Variants in LRRC4C observed in about 807,000 individuals in gnomAD.
LRRC4C encodes the protein leucine rich repeat containing 4C, also known as leucine-rich repeat-containing protein 4C.
In LRRC4C, 5 loss-of-function variants were observed where a neutral mutation model predicts 33.6. The observed-to-expected ratio is 0.15, with a 90% CI of 0.08 to 0.31. LRRC4C has a LOEUF of 0.31. Among genes scored for constraint, LRRC4C ranks in the 10% least tolerant of loss-of-function variants. The probability of loss-of-function intolerance (pLI) is 1.00; values close to 1 mark genes in which losing one functional copy is unlikely to be tolerated. For synonymous variants in LRRC4C, 329 were observed against 302.0 expected (o/e 1.09, Z -0.93); for missense variants, 560 against 796.7 (o/e 0.70, Z 3.58).
At chr11:41,318,127 T>A (rs182381652) in intron 1 of LRRC4C, among the ~76,000 whole-genome samples, 1 of 152,220 alleles carries the variant, frequency 6.6e-6, no homozygotes, top group African/African-American at 2.4e-5. Context: ...TATGAAACAA[T>A]ATATACAGCA....
At chr11:40,636,234 T>G (rs910411568) in intron 3 of LRRC4C, among the ~76,000 whole-genome samples, 3 of 152,138 alleles carry the variant, frequency 2.0e-5, no homozygotes, top group African/African-American at 7.2e-5. Flanking sequence ...GCGGCCAGTT[T>G]CCAACACATC....
chr11:40,260,299 C>T (rs1238317926), intron 4 of LRRC4C, among the ~76,000 whole-genome samples: 1 of 142,400 alleles, frequency 7.0e-6, no homozygotes. Flanking sequence ...TAAATTATCA[C>T]AAGAACAAAA....
At chr11:40,329,500 T>C (rs1231113168) in intron 3 of LRRC4C, among the ~76,000 whole-genome samples, 2 of 152,094 alleles carry the variant, frequency 1.3e-5, no homozygotes, top group East Asian at 3.9e-4. Flanking sequence ...TTCTGGGTTA[T>C]TCTGGAAAAG....
intron 3 of LRRC4C, among the ~76,000 whole-genome samples, chr11:40,460,657 A>G (rs535523547): frequency 6.6e-6 from 1 of 152,310 alleles, no homozygotes; most frequent in East Asian, 1.9e-4. Context: ...ACAATTTCAT[A>G]ATTTTTGAAG....
At chr11:40,281,730 T>C (rs1454689358) in intron 4 of LRRC4C, among the ~76,000 whole-genome samples, 1 of 152,192 alleles carries the variant, frequency 6.6e-6, no homozygotes, top group Non-Finnish European at 1.5e-5. Context: ...GACAATAAGA[T>C]GTCTTTTAAA....
At chr11:41,447,711 C>T (rs1227129116) in intron 1 of LRRC4C, among the ~76,000 whole-genome samples, 2 of 152,088 alleles carry the variant, frequency 1.3e-5, no homozygotes, top group African/African-American at 4.8e-5. Context: ...AATATAGCAC[C>T]ACAATCTACG....
chr11:40,434,554 G>T (rs571465452), intron 3 of LRRC4C, among the ~76,000 whole-genome samples: 1 of 152,312 alleles, frequency 6.6e-6, no homozygotes, highest in African/African-American at 2.4e-5. Flanking sequence ...CAAAAACTCC[G>T]TGGGGATCTT....
intron 1 of LRRC4C, among the ~76,000 whole-genome samples, chr11:40,991,184 C>A (rs1367600902): frequency 7.8e-6 from 1 of 128,944 alleles, no homozygotes; most frequent in East Asian, 2.2e-4. Flanking sequence ...CCACAGTGAA[C>A]CTGGCAGCTT....
chr11:40,791,956 G>A (rs1209799383), intron 2 of LRRC4C, among the ~76,000 whole-genome samples: 2 of 151,778 alleles, frequency 1.3e-5, no homozygotes, highest in African/African-American at 4.8e-5. Context: ...TTCCTTTAGT[G>A]GCTACGTAGT....
At chr11:41,085,928 C>CAA (rs10717008) in intron 1 of LRRC4C, among the ~76,000 whole-genome samples, 553 of 80,032 alleles carry the variant, frequency 6.9e-3, no homozygotes, top group East Asian at 0.02. Flanking sequence ...TTTAAGACAC[C>CAA]AAAAAAAAAA....
At chr11:41,256,124 G>T (rs925541994) in intron 1 of LRRC4C, among the ~76,000 whole-genome samples, 4 of 151,976 alleles carry the variant, frequency 2.6e-5, no homozygotes, top group African/African-American at 9.7e-5. Context: ...ATATTTTAAA[G>T]GCTGGCTCTG....
At position 40,264,587 on chromosome 11, in the gene LRRC4C, G is replaced by A. The variant is rs541367434; in HGVS notation, c.-175-22989C>T. Among the ~76,000 whole-genome samples, 17 of 152,188 alleles carry A rather than the reference G, an allele frequency of 1.1e-4. 1 individual carries two copies. The highest frequency in any genetic ancestry group is 9.7e-4 in the East Asian group (5 of 5,166). Reference sequence around the variant, plus strand: ...CTGAACCATAATTTTTTTCTGTGCCGATGAATATAACTAGGCTGTCTTTGA... The same window carrying A: ...CTGAACCATAATTTTTTTCTGTGCCAATGAATATAACTAGGCTGTCTTTGA... On this transcript the variant is annotated intron_variant, in intron 4 of 6. Transcript: ENST00000528697.
At chr11:40,707,005 C>A (rs1313338414) in intron 2 of LRRC4C, among the ~76,000 whole-genome samples, 1 of 152,092 alleles carries the variant, frequency 6.6e-6, no homozygotes, top group African/African-American at 2.4e-5. Flanking sequence ...TGATTTGGCC[C>A]TCTGTTTGTC....
intron 3 of LRRC4C, among the ~76,000 whole-genome samples, chr11:40,640,248 AAAT>A (rs776703049): frequency 6.6e-6 from 1 of 152,204 alleles, no homozygotes; most frequent in Non-Finnish European, 1.5e-5. Context: ...TTTGAAAATA[AAAT>A]AAATATTGTG....
intron 1 of LRRC4C, among the ~76,000 whole-genome samples, chr11:41,183,421 G>T (rs1488910102): frequency 6.6e-6 from 1 of 152,112 alleles, no homozygotes; most frequent in Non-Finnish European, 1.5e-5. Flanking sequence ...GGGAGAAACT[G>T]GCCAAAACAA....
chr11:41,031,995 A>G (rs1856757868), intron 1 of LRRC4C, among the ~76,000 whole-genome samples: 1 of 152,054 alleles, frequency 6.6e-6, no homozygotes, highest in South Asian at 2.1e-4. Context: ...TCCTTGTGGC[A>G]TAGCAGTTCA....
chr11:41,020,142 A>G (rs141682320), intron 1 of LRRC4C, among the ~76,000 whole-genome samples: 1 of 152,188 alleles, frequency 6.6e-6, no homozygotes, highest in East Asian at 1.9e-4. Flanking sequence ...TTTTCCCCTA[A>G]TGGTTTTATT....
In LRRC4C at chr11:40,578,140, GGTTTTTTTTTTTTTTT is replaced by G. The variant is rs1366408997; in HGVS notation, c.-270+69986_-270+70001del. Among the ~76,000 whole-genome samples, 10 of 40,570 alleles carry G rather than the reference GGTTTTTTTTTTTTTTT, an allele frequency of 2.5e-4. 2 individuals carry two copies. Among genetic ancestry groups the G allele is most frequent in the African/African-American group, 7.0e-4 (5 of 7,096 alleles). The allele number at this position is 40,570 out of a possible 152,430, so 26.6% of individuals were successfully genotyped here. A position where few individuals can be genotyped will look rare whatever the true frequency, so the allele number is the denominator to read the frequency against. On this transcript the variant is annotated intron_variant, in intron 3 of 6. Transcript: ENST00000528697. ...TGATATTATTGGACTTTTTTTTTTC[GGTTTTTTTTTTTTTTT>G]TTTTTTTTTTTTTTGCCTCTTAACT...
chr11:40,839,043 A>T (rs1952802284), intron 2 of LRRC4C, among the ~76,000 whole-genome samples: 1 of 152,112 alleles, frequency 6.6e-6, no homozygotes, highest in Non-Finnish European at 1.5e-5. Context: ...AGAGACCATC[A>T]ACTTTGCTAT....
Sources: allele counts gnomAD v4.1 joint callset (sites outside exome capture counted in the v4.1 genomes callset), GRCh38; gene constraint gnomAD v4.1.1; transcripts MANE v1.5; gene names NCBI Gene and HGNC (gene_info 2026-07-23, HGNC 2026-07-21).